The following CCDC73 variants were observed in gnomAD, a reference collection of about 807,000 sequenced individuals.
The protein encoded by CCDC73 is coiled-coil domain-containing protein 73.
A neutral mutation model predicts 116.5 loss-of-function variants in CCDC73; 95 were observed. The ratio of observed to expected loss-of-function variants is 0.82; its 90% CI spans 0.69 to 0.97. CCDC73 has a LOEUF of 0.97. CCDC73 is among the 50% of genes least tolerant of loss of function. The pLI is 0.00. For synonymous variants in CCDC73, 398 were observed against 401.3 expected, an observed-to-expected ratio of 0.99 and a Z score of 0.10; for missense variants, 1,066 against 1,206.8, an observed-to-expected ratio of 0.88 and a Z score of 1.73.
At chr11:32,748,512 T>C (rs996703837) in intron 2 of CCDC73, among the ~76,000 whole-genome samples, 3 of 152,222 alleles carry the variant, frequency 2.0e-5, no homozygotes, top group Admixed American at 2.0e-4. Flanking sequence ...ACTGTCTATG[T>C]CTTGAAAAGC....
intron 9 of CCDC73, among the ~76,000 whole-genome samples, chr11:32,656,707 C>T (rs188966058): frequency 1.9e-4 from 29 of 152,238 alleles, no homozygotes; most frequent in South Asian, 4.2e-4. Context: ...TACTGCATAG[C>T]CTCCCTTGTT....
chr11:32,739,818 G>A lies in CCDC73; in HGVS notation c.135+20291C>T, dbSNP rs185642353. Among the ~76,000 whole-genome samples, 15 of 152,116 alleles carry A rather than the reference G, an allele frequency of 9.9e-5. No homozygotes were observed. The East Asian group carries it at 2.9e-3, about 29-fold the overall frequency. ...CCATTCAGTATAATACTAGCTCTTG[G>A]TCTATCATATATGGCTTTTACTGTA... On this transcript the variant is annotated intron_variant, in intron 2 of 17. Transcript: ENST00000335185.
chr11:32,803,405 T>G, the CCDC73 span, among the ~76,000 whole-genome samples: 27 of 152,230 alleles, frequency 1.8e-4, no homozygotes, highest in Non-Finnish European at 5.9e-5. Flanking sequence ...TTTACCATAA[T>G]TTTTGATACT....
At chr11:32,617,872 G>T (rs1855488848) in intron 14 of CCDC73, among the ~76,000 whole-genome samples, 1 of 152,142 alleles carries the variant, frequency 6.6e-6, no homozygotes, top group African/African-American at 2.4e-5. Context: ...TATTACTTTT[G>T]TCTTTTAAAT....
chr11:32,741,444 C>G (rs1397355692), intron 2 of CCDC73, among the ~76,000 whole-genome samples: 1 of 151,982 alleles, frequency 6.6e-6, no homozygotes, highest in Admixed American at 6.6e-5. Context: ...TCCCTCAAAA[C>G]ACCTTCTTTG....
chr11:32,677,408 T>C (rs1856098913), intron 7 of CCDC73, among the ~76,000 whole-genome samples: 4 of 152,138 alleles, frequency 2.6e-5, no homozygotes, highest in South Asian at 2.1e-4. Flanking sequence ...AATAAACCAA[T>C]TGATAGCTAC....
chr11:32,614,381 C>G lies in CCDC73; in HGVS notation c.1937G>C (p.Ser646Thr), dbSNP rs1565056710. 6.2e-7 allele frequency: 1 copy of G among 1,612,856 alleles called. No individual in the cohort carries two copies. ...KKNPVPCQKY[S>T]LRNSSNVMLD... is the part of the protein sequence containing the mutation. ...CATAACATTACTTGAATTCCGTAAA[C>G]TATATTTCTGACATGGAACAGGATT... Residue 646 changes from serine to threonine, a missense_variant, in exon 16 of 18, where the codon AGT (serine) becomes ACT (threonine). Transcript: ENST00000335185.
At chr11:32,684,066 T>TTTC (rs1856172418) in intron 6 of CCDC73, among the ~76,000 whole-genome samples, 2 of 125,314 alleles carry the variant, frequency 1.6e-5, no homozygotes, top group African/African-American at 5.8e-5. Flanking sequence ...TTGTTTGTTT[T>TTTC]TAAGATACAG....
chr11:32,778,848 T>A (rs956537641), intron 1 of CCDC73, among the ~76,000 whole-genome samples: 1 of 151,888 alleles, frequency 6.6e-6, no homozygotes, highest in Non-Finnish European at 1.5e-5. Context: ...CCCAAAAATA[T>A]GCAAATATTC....
At chr11:32,799,377 C>T (rs924264083), upstream of CCDC73, among the ~76,000 whole-genome samples, 1 of 152,088 alleles carries the variant, frequency 6.6e-6, no homozygotes, top group Non-Finnish European at 1.5e-5. Context: ...CAGGCATGAG[C>T]CACCATGCCT....
the CCDC73 span, among the ~76,000 whole-genome samples, chr11:32,813,644 C>T: frequency 6.6e-6 from 1 of 152,212 alleles, no homozygotes; most frequent in East Asian, 1.9e-4. Flanking sequence ...ACAAATTGTC[C>T]CAGAATGATT....
chr11:32,829,826 G>A, the CCDC73 span: 1 of 985,396 alleles, frequency 1.0e-6, no homozygotes, highest in Non-Finnish European at 1.2e-6. Context: ...GCGGGCTCCC[G>A]GGAGACGCCG....
chr11:32,645,325 T>C (rs1367730675), intron 12 of CCDC73, among the ~76,000 whole-genome samples: 2 of 146,644 alleles, frequency 1.4e-5, no homozygotes, highest in African/African-American at 5.1e-5. Flanking sequence ...AAAGTCTTGC[T>C]CTGTTGCCCA....
intron 10 of CCDC73, among the ~76,000 whole-genome samples, 169 bp from the exon 11 acceptor site, chr11:32,654,206 C>T (rs1432165045): frequency 2.0e-5 from 3 of 152,048 alleles, no homozygotes; most frequent in African/African-American, 7.2e-5. Context: ...CTGTGTCTCG[C>T]TCTATCACCC....
At chr11:32,657,674 T>C (rs773911256) in intron 9 of CCDC73, among the ~76,000 whole-genome samples, 25 of 152,002 alleles carry the variant, frequency 1.6e-4, no homozygotes, top group Admixed American at 6.6e-5. Context: ...GAGAATGAGG[T>C]ATTTTACCAG....
intron 2 of CCDC73, among the ~76,000 whole-genome samples, chr11:32,732,037 G>A (rs932752862): frequency 6.6e-6 from 1 of 152,156 alleles, no homozygotes; most frequent in African/African-American, 2.4e-5. Flanking sequence ...TTGGACGAAT[G>A]GCTAACTACA....
intron 6 of CCDC73, among the ~76,000 whole-genome samples, chr11:32,685,290 C>A (rs1272832131): frequency 1.4e-5 from 2 of 141,102 alleles, no homozygotes; most frequent in Admixed American, 1.4e-4. Flanking sequence ...AAAAAAAACT[C>A]CTGCCCAGCT....
At chr11:32,683,375 A>G (rs1856165296) in intron 7 of CCDC73, 161 bp downstream of exon 7, 8 of 641,034 alleles carry the variant, frequency 1.2e-5, no homozygotes, top group Non-Finnish European at 2.0e-5. Context: ...TTTATGCAAC[A>G]TGTGAAATTG....
chr11:32,670,011 TA>T (rs1856021425), intron 9 of CCDC73, among the ~76,000 whole-genome samples: 1 of 152,194 alleles, frequency 6.6e-6, no homozygotes, highest in African/African-American at 2.4e-5. Flanking sequence ...GTCTACTTTT[TA>T]AAAAAGATAC....
Sources: gnomAD v4.1 joint callset for allele counts (sites outside exome capture counted in the v4.1 genomes callset) on GRCh38, gnomAD v4.1.1 for gene constraint, MANE v1.5 for transcripts, NCBI Gene and HGNC (gene_info 2026-07-23, HGNC 2026-07-21) for gene names.